Variants in TET1 observed in about 807,000 individuals in gnomAD.
TET1 encodes the protein tet methylcytosine dioxygenase 1.
TET1 carries 13 observed loss-of-function variants against 148.7 expected under a neutral mutation model. The observed-to-expected ratio is 0.09, with a 90% CI of 0.06 to 0.14. TET1 has a LOEUF of 0.14. Among genes scored for constraint, TET1 ranks in the 10% least tolerant of loss-of-function variants. TET1 has a pLI of 1.00. For missense variants in TET1, 2,182 were observed against 2,553.8 expected (o/e 0.85, Z 3.14); for synonymous variants, 907 against 937.2 (o/e 0.97, Z 0.59).
chr10:68,683,301 C>A (rs574819647), intron 10 of TET1, among the ~76,000 whole-genome samples: 1 of 152,128 alleles, frequency 6.6e-6, no homozygotes, highest in South Asian at 2.1e-4. Context: ...TTTTTTGAGA[C>A]GGAGTCTCAC....
chr10:68,675,983 G>C (rs1473533398), intron 8 of TET1, among the ~76,000 whole-genome samples: 1 of 151,824 alleles, frequency 6.6e-6, no homozygotes, highest in Non-Finnish European at 1.5e-5. Context: ...AGCCTCCTGA[G>C]TAGTTGGGAT....
At chr10:68,567,921 G>T (rs1419536954) in intron 1 of TET1, among the ~76,000 whole-genome samples, 1 of 152,078 alleles carries the variant, frequency 6.6e-6, no homozygotes, top group Non-Finnish European at 1.5e-5. Flanking sequence ...CCATGAGATG[G>T]AGGCTGGAGT....
intron 3 of TET1, among the ~76,000 whole-genome samples, chr10:68,622,402 TTG>T (rs2054390612): frequency 1.3e-5 from 2 of 152,070 alleles, no homozygotes; most frequent in Admixed American, 6.6e-5. Context: ...GTAGCTGGGA[TTG>T]CAGGTGTCTG....
intron 3 of TET1, among the ~76,000 whole-genome samples, chr10:68,642,812 G>A (rs1373170233): frequency 6.6e-6 from 1 of 152,036 alleles, no homozygotes; most frequent in Non-Finnish European, 1.5e-5. Context: ...GCCCTGTTGG[G>A]CAGGCTGGTC....
intron 3 of TET1, among the ~76,000 whole-genome samples, chr10:68,624,981 G>C (rs1159965580): frequency 6.7e-6 from 1 of 149,858 alleles, no homozygotes. Context: ...TGATCTGCCC[G>C]CCTCGGCCTC....
chr10:68,643,630 G>T (rs2054794317), intron 3 of TET1, among the ~76,000 whole-genome samples: 1 of 151,894 alleles, frequency 6.6e-6, no homozygotes, highest in East Asian at 1.9e-4. Context: ...AGACCAGCCT[G>T]GCCAACATTG....
chr10:68,666,912 C>T (rs1344222030), intron 6 of TET1, 133 bp from the exon 7 acceptor site: 18 of 819,760 alleles, frequency 2.2e-5, no homozygotes, highest in South Asian at 3.9e-5. Context: ...AGTTAGACCC[C>T]GTCTGTAGAA....
At chr10:68,675,170 A>G (rs1398188644) in intron 8 of TET1, 3 of 321,998 alleles carry the variant, frequency 9.3e-6, no homozygotes, top group African/African-American at 6.9e-5. Flanking sequence ...AGTGTCTGTT[A>G]GTTGATAAAC....
At chr10:68,660,093 G>C (rs1441374223) in intron 6 of TET1, among the ~76,000 whole-genome samples, 1 of 152,072 alleles carries the variant, frequency 6.6e-6, no homozygotes, top group East Asian at 1.9e-4. Flanking sequence ...CGCTACACTT[G>C]ACATGAATGT....
chr10:68,567,587 C>T (rs2053621377), intron 1 of TET1, among the ~76,000 whole-genome samples: 1 of 151,870 alleles, frequency 6.6e-6, no homozygotes, highest in South Asian at 2.1e-4. Context: ...AGCCACTGTG[C>T]TTGGCCAGGT....
chr10:68,621,672 C>T (rs953345890), intron 3 of TET1, among the ~76,000 whole-genome samples: 1 of 152,138 alleles, frequency 6.6e-6, no homozygotes, highest in Non-Finnish European at 1.5e-5. Context: ...TCTGGTTTTC[C>T]TTCTCTACAT....
chr10:68,582,484 G>A (rs2053809405), intron 2 of TET1, among the ~76,000 whole-genome samples: 3 of 152,162 alleles, frequency 2.0e-5, no homozygotes, highest in South Asian at 4.1e-4. Context: ...AAAAAAAATT[G>A]TAATACCTAC....
chr10:68,642,353 G>T (rs2054769928), intron 3 of TET1, among the ~76,000 whole-genome samples: 1 of 152,086 alleles, frequency 6.6e-6, no homozygotes, highest in Non-Finnish European at 1.5e-5. Context: ...AGGATAACTT[G>T]AACCTGGGAG....
chr10:68,604,779 A>G (rs1253142370), intron 3 of TET1, among the ~76,000 whole-genome samples: 1 of 152,242 alleles, frequency 6.6e-6, no homozygotes, highest in African/African-American at 2.4e-5. Flanking sequence ...AGAGTGAACA[A>G]TAGTACTAGA....
chr10:68,664,670 A>ATTT (rs398013961), intron 6 of TET1, among the ~76,000 whole-genome samples: 3,732 of 99,474 alleles, frequency 0.038, 406 homozygotes, highest in African/African-American at 0.15. Flanking sequence ...CCCAGCCTGC[A>ATTT]TTTTTTTTTT....
chr10:68,598,323 G>T (rs965075617), intron 2 of TET1, among the ~76,000 whole-genome samples: 4 of 152,158 alleles, frequency 2.6e-5, no homozygotes, highest in African/African-American at 9.7e-5. Flanking sequence ...CCCGGAAGGC[G>T]GAGGTTGCAG....
At position 68,690,923 on chromosome 10, in the gene TET1, A is replaced by G; in HGVS notation, c.5520A>G (p.Pro1840=). Residue 1840 remains proline (P), a synonymous_variant, in exon 12 of 12, where the codon CCA becomes CCG. Coordinates refer to ENST00000373644, the MANE Select transcript of TET1 (RefSeq NM_030625.3). ...CGCTGATGCCATCCGCTCCTCACCCAGTGAAAGAGGCATCTCCAGGCTTCT... is the reference window on the plus strand; with the variant it reads ...CGCTGATGCCATCCGCTCCTCACCCGGTGAAAGAGGCATCTCCAGGCTTCT... The part of the protein sequence containing the change: ...TYSLMPSAPH[P]VKEASPGFSW... The G allele has an allele frequency of 6.2e-7, 1 of 1,614,214 alleles. No homozygotes were observed. The highest frequency in any genetic ancestry group is 8.5e-7 in the Non-Finnish European group (1 of 1,180,032).
At chr10:68,617,717 T>G (rs965161262) in intron 3 of TET1, among the ~76,000 whole-genome samples, 5 of 152,150 alleles carry the variant, frequency 3.3e-5, no homozygotes, top group Non-Finnish European at 5.9e-5. Context: ...TGGCTAATTT[T>G]GTATTTTTAG....
intron 2 of TET1, among the ~76,000 whole-genome samples, chr10:68,599,482 G>A (rs373625837): frequency 6.6e-6 from 1 of 152,342 alleles, no homozygotes; most frequent in South Asian, 2.1e-4. Flanking sequence ...GGTCGTGGGG[G>A]GCACGGCTCC....
Sources: gnomAD v4.1 joint callset for allele counts (sites outside exome capture counted in the v4.1 genomes callset) on GRCh38, gnomAD v4.1.1 for gene constraint, MANE v1.5 for transcripts, NCBI Gene and HGNC (gene_info 2026-07-23, HGNC 2026-07-21) for gene names.